SYNPO2: variants seen among roughly 807,000 people sequenced by gnomAD.
SYNPO2 encodes synaptopodin-2.
SYNPO2 carries 56 observed loss-of-function variants against 85.0 expected under a neutral mutation model. The ratio of observed to expected loss-of-function variants is 0.66; its 90% CI spans 0.53 to 0.82. The LOEUF (loss-of-function observed/expected upper bound fraction) is 0.82, where lower values mean the gene tolerates loss of function less well. Ranked by LOEUF, SYNPO2 falls within the 40% of genes least tolerant of loss-of-function variation. The pLI is 0.00. For synonymous variants in SYNPO2, 602 were observed against 591.1 expected, an observed-to-expected ratio of 1.02 and a Z score of -0.27; for missense variants, 1,575 against 1,534.2, an observed-to-expected ratio of 1.03 and a Z score of -0.44.
intron 2 of SYNPO2, among the ~76,000 whole-genome samples, chr4:119,024,569 T>C (rs1181403406): frequency 3.3e-5 from 5 of 152,220 alleles, no homozygotes; most frequent in South Asian, 4.1e-4. Flanking sequence ...TCTTATAATC[T>C]AAATATTTAC....
intron 1 of SYNPO2, among the ~76,000 whole-genome samples, chr4:119,006,819 G>A (rs1737046423): frequency 6.6e-6 from 1 of 151,962 alleles, no homozygotes; most frequent in South Asian, 2.1e-4. Flanking sequence ...ATTGCAACAT[G>A]CTGACATGGT....
intron 4 of SYNPO2, among the ~76,000 whole-genome samples, chr4:119,051,197 T>TTTG (rs1739029979): frequency 7.2e-6 from 1 of 138,478 alleles, no homozygotes; most frequent in Non-Finnish European, 1.6e-5. Context: ...TTTTTTTTTT[T>TTTG]TTTTTTTTTT....
At chr4:118,871,956 G>A (rs189904202) in intron 1 of SYNPO2, among the ~76,000 whole-genome samples, 210 of 152,310 alleles carry the variant, frequency 1.4e-3, no homozygotes, top group South Asian at 2.1e-3. Context: ...TGAGAGCACA[G>A]TATGGTTTAG....
chr4:119,046,856 G>A (rs888131153), intron 4 of SYNPO2, among the ~76,000 whole-genome samples: 11 of 152,086 alleles, frequency 7.2e-5, no homozygotes, highest in South Asian at 6.2e-4. Context: ...CAAGCCTTAC[G>A]CTTTCTCACA....
chr4:118,978,308 G>C (rs1298574671), intron 1 of SYNPO2, among the ~76,000 whole-genome samples: 3 of 152,040 alleles, frequency 2.0e-5, no homozygotes, highest in Non-Finnish European at 2.9e-5. Flanking sequence ...ACTGTATCTT[G>C]TTGTCATTTT....
rs35179016 is a variant in SYNPO2, at chr4:119,022,228, T to C, written c.106-1202T>C. Among the ~76,000 whole-genome samples, 714 of 152,306 alleles carry C rather than the reference T, an allele frequency of 4.7e-3. 5 individuals are homozygous for C. The highest frequency in any genetic ancestry group is 0.016 in the African/African-American group (679 of 41,554). On this transcript the variant is annotated intron_variant, in intron 1 of 4. Transcript: ENST00000307142. The stretch of plus-strand genomic sequence containing the variant: ...GTCCTGTACCTCCTTCTTATAGTCA[T>C]GGCGTTTCATTCACCTTGGCAATGG...
intron 1 of SYNPO2, among the ~76,000 whole-genome samples, chr4:118,871,059 C>G (rs886551561): frequency 6.6e-5 from 10 of 152,154 alleles, no homozygotes; most frequent in African/African-American, 2.4e-4. Flanking sequence ...GCTCTCATAC[C>G]TACCTGTCCT....
intron 4 of SYNPO2, among the ~76,000 whole-genome samples, chr4:119,050,990 A>T (rs557724776): frequency 2.0e-5 from 3 of 152,306 alleles, no homozygotes; most frequent in African/African-American, 7.2e-5. Context: ...AGGGAGAAGG[A>T]TGTGGAGAAC....
chr4:119,018,978 G>T (rs1737620035), intron 1 of SYNPO2, among the ~76,000 whole-genome samples: 1 of 152,024 alleles, frequency 6.6e-6, no homozygotes, highest in Admixed American at 6.6e-5. Flanking sequence ...TTGGTAAGCT[G>T]CATGTTCTCA....
chr4:118,931,302 A>G (rs542322457), intron 1 of SYNPO2, among the ~76,000 whole-genome samples: 48 of 139,892 alleles, frequency 3.4e-4, no homozygotes, highest in African/African-American at 1.3e-3. Context: ...TGGGATGAGA[A>G]CCTAGGTCTC....
intron 1 of SYNPO2, among the ~76,000 whole-genome samples, chr4:118,863,089 G>A (rs763610991): frequency 7.9e-5 from 12 of 152,168 alleles, no homozygotes; most frequent in Non-Finnish European, 1.6e-4. Context: ...GATTATAGGC[G>A]TGAGCCCCTG....
chr4:119,014,780 C>G (rs1198201024), intron 1 of SYNPO2, among the ~76,000 whole-genome samples: 2 of 152,178 alleles, frequency 1.3e-5, no homozygotes, highest in African/African-American at 4.8e-5. Flanking sequence ...ATCATTTAAA[C>G]CAGCTCTTCC....
chr4:118,992,500 G>A (rs1248410231), intron 1 of SYNPO2, among the ~76,000 whole-genome samples: 1 of 152,094 alleles, frequency 6.6e-6, no homozygotes, highest in Non-Finnish European at 1.5e-5. Context: ...GGTAGCCTCT[G>A]GAAAGCTCCC....
At chr4:118,979,034 C>T (rs1257776728) in intron 1 of SYNPO2, among the ~76,000 whole-genome samples, 3 of 152,132 alleles carry the variant, frequency 2.0e-5, no homozygotes, top group African/African-American at 7.2e-5. Flanking sequence ...TGTACTGATG[C>T]GATATACTCC....
At chr4:118,851,029 C>T (rs949486430) in intron 1 of SYNPO2, 6 of 398,366 alleles carry the variant, frequency 1.5e-5, no homozygotes, top group Non-Finnish European at 2.7e-5. Context: ...ATATCAGGTG[C>T]TTCACTGTTT....
chr4:118,906,656 A>T (rs1732946508), intron 1 of SYNPO2, among the ~76,000 whole-genome samples: 1 of 152,066 alleles, frequency 6.6e-6, no homozygotes, highest in African/African-American at 2.4e-5. Flanking sequence ...TTTTATTTGA[A>T]TTTCTCCAAA....
intron 1 of SYNPO2, among the ~76,000 whole-genome samples, 190 bp from the exon 2 acceptor site, chr4:119,023,240 A>G (rs1737808158): frequency 6.6e-6 from 1 of 152,162 alleles, no homozygotes; most frequent in African/African-American, 2.4e-5. Context: ...ATATTATGGT[A>G]CATGATAAAG....
intron 1 of SYNPO2, among the ~76,000 whole-genome samples, chr4:118,873,906 C>A (rs1731849539): frequency 6.6e-6 from 1 of 151,930 alleles, no homozygotes; most frequent in Non-Finnish European, 1.5e-5. Flanking sequence ...ATATGGCAAT[C>A]CAATTTTCCC....
chr4:118,930,053 C>A (rs116159608), intron 1 of SYNPO2, among the ~76,000 whole-genome samples: 3 of 152,020 alleles, frequency 2.0e-5, no homozygotes, highest in Non-Finnish European at 4.4e-5. Flanking sequence ...AGATAATCTG[C>A]TGTTTAAATA....
Sources: gnomAD v4.1 joint callset for allele counts (sites outside exome capture counted in the v4.1 genomes callset) on GRCh38, gnomAD v4.1.1 for gene constraint, MANE v1.5 for transcripts, NCBI Gene and HGNC (gene_info 2026-07-23, HGNC 2026-07-21) for gene names.